FANCA: variants seen among roughly 807,000 people sequenced by gnomAD.
FANCA encodes the protein FA complementation group A.
A neutral mutation model predicts 194.3 loss-of-function variants in FANCA; 236 were observed. That is an observed-to-expected ratio of 1.21 (90% CI 1.09 to 1.35). The LOEUF (loss-of-function observed/expected upper bound fraction) is 1.35. FANCA is among the 40% of genes most tolerant of loss of function. The probability of loss-of-function intolerance (pLI) is 0.00; values close to 1 mark genes in which losing one functional copy is unlikely to be tolerated. For missense variants in FANCA, 2,628 were observed against 1,813.9 expected, an observed-to-expected ratio of 1.45 and a Z score of -8.15; for synonymous variants, 1,014 against 715.8, an observed-to-expected ratio of 1.42 and a Z score of -6.65.
chr16:89,764,665 C>T, intron 28 of FANCA: 4 of 625,112 alleles, frequency 6.4e-6, no homozygotes, highest in South Asian at 4.5e-5. Context: ...AGATTCCAAT[C>T]AAACCATCTA....
intron 10 of FANCA, chr16:89,798,346 T>C (rs903013876): frequency 9.7e-6 from 10 of 1,033,418 alleles, no homozygotes; most frequent in African/African-American, 3.4e-5. Context: ...CTGATGCACA[T>C]GTAAACATTC....
chr16:89,753,294 G>A (rs7203255), intron 30 of FANCA, among the ~76,000 whole-genome samples: 64,006 of 151,832 alleles, frequency 0.42, 14,805 homozygotes, highest in East Asian at 0.76. Flanking sequence ...AAGTAACAGC[G>A]CAGCCCGACA....
chr16:89,743,140 C>A lies in FANCA; in HGVS notation c.3627-202G>T, dbSNP rs2286393. Among the ~76,000 whole-genome samples the A allele has an allele frequency of 0.06, 9,072 of 152,250 alleles. 411 individuals carry two copies. The highest frequency in any genetic ancestry group is 0.22 in the East Asian group (1,116 of 5,168). Reference sequence around the variant, plus strand: ...TGGGCAGGTGCTGGTGCTGCCCCCACAGCATCCTGGCGTTCTGAGAGCTGC... The same window carrying A: ...TGGGCAGGTGCTGGTGCTGCCCCCAAAGCATCCTGGCGTTCTGAGAGCTGC... On this transcript the variant is annotated intron_variant, in intron 36 of 42. Transcript: ENST00000389301.
intron 6 of FANCA, among the ~76,000 whole-genome samples, chr16:89,807,183 T>A (rs1186970844): frequency 1.3e-5 from 2 of 151,038 alleles, no homozygotes; most frequent in African/African-American, 2.4e-5. Flanking sequence ...AGCAGGTTTT[T>A]CTTTTTTTTT....
chr16:89,775,482 G>C (rs1250839951), intron 21 of FANCA, among the ~76,000 whole-genome samples: 1 of 152,204 alleles, frequency 6.6e-6, no homozygotes. Flanking sequence ...GGAAGATGAC[G>C]AGTGACAAAG....
At position 89,771,730 on chromosome 16, in the gene FANCA, G is replaced by C; in HGVS notation, c.2099C>G (p.Ser700Ter). The change falls in exon 23 of 43, where the codon TCA (serine) becomes TGA (stop). Residue 700 changes from serine to a stop codon, truncating the protein, a stop_gained. Coordinates refer to ENST00000389301, the MANE Select transcript of FANCA (RefSeq NM_000135.4). LOFTEE classifies it high-confidence loss of function. The part of the protein sequence containing the change: ...HNEDDSSVEI[S>*]KIQLSINTPR... The stretch of plus-strand genomic sequence containing the variant: ...CGTGTTGATGCTGAGCTGAATCTTT[G>C]ATATCTCAACGCTGCTGTCATCCTC... 2.5e-6 allele frequency: 4 copies of C among 1,614,122 alleles called. No individual in the cohort carries two copies. The highest frequency in any genetic ancestry group is 3.4e-6 in the Non-Finnish European group (4 of 1,180,026).
chr16:89,777,310 A>G (rs2039542855), intron 20 of FANCA, among the ~76,000 whole-genome samples: 1 of 152,202 alleles, frequency 6.6e-6, no homozygotes, highest in Non-Finnish European at 1.5e-5. Context: ...GAAGCCCAGG[A>G]GGTCAAGGCT....
intron 8 of FANCA, among the ~76,000 whole-genome samples, chr16:89,802,191 C>T (rs2040480297): frequency 6.6e-6 from 1 of 152,068 alleles, no homozygotes; most frequent in African/African-American, 2.4e-5. Flanking sequence ...GCAACCTCCG[C>T]CTCCTGGGTT....
At chr16:89,801,474 G>A (rs1329958363) in intron 8 of FANCA, among the ~76,000 whole-genome samples, 3 of 152,056 alleles carry the variant, frequency 2.0e-5, no homozygotes. Context: ...ATGCTGGTGA[G>A]AATGCAAACA....
chr16:89,812,370 G>A (rs912438056), intron 3 of FANCA, among the ~76,000 whole-genome samples: 7 of 151,406 alleles, frequency 4.6e-5, no homozygotes, highest in African/African-American at 1.2e-4. Context: ...CTGGAGGCCA[G>A]GCTCAGTGGG....
intron 27 of FANCA, among the ~76,000 whole-genome samples, chr16:89,766,921 A>C (rs1440630481): frequency 6.6e-6 from 1 of 152,140 alleles, no homozygotes; most frequent in Non-Finnish European, 1.5e-5. Context: ...CAGAGAACAC[A>C]AGGAAAGGCA....
At chr16:89,770,746 T>C in intron 23 of FANCA, 112 bp from the exon 24 acceptor site, 1 of 930,920 alleles carries the variant, frequency 1.1e-6, no homozygotes, top group Non-Finnish European at 1.7e-6. Context: ...CAAAAAGACC[T>C]CCAAAACAGG....
chr16:89,798,829 C>T (rs1269363377), intron 10 of FANCA: 2 of 1,483,100 alleles, frequency 1.3e-6, no homozygotes, highest in African/African-American at 2.8e-5. Flanking sequence ...GCTCTAGAGC[C>T]TGAATCACAC....
At chr16:89,815,855 A>G (rs775015901) in intron 2 of FANCA, 22 bp downstream of exon 2, 23 of 1,573,364 alleles carry the variant, frequency 1.5e-5, no homozygotes, top group Non-Finnish European at 1.9e-5. Context: ...CTGCCCGCAG[A>G]CGGACACCAG....
At chr16:89,777,648 G>A (rs190395410) in intron 20 of FANCA, among the ~76,000 whole-genome samples, 1 of 152,034 alleles carries the variant, frequency 6.6e-6, no homozygotes, top group Non-Finnish European at 1.5e-5. Context: ...TGGAATATAG[G>A]ACTTATACTT....
At chr16:89,801,544 T>C (rs1014659661) in intron 8 of FANCA, among the ~76,000 whole-genome samples, 3 of 152,122 alleles carry the variant, frequency 2.0e-5, no homozygotes, top group Non-Finnish European at 2.9e-5. Flanking sequence ...GAAAATAGTA[T>C]GGAGATTTCT....
At chr16:89,784,311 C>T (rs1169074563) in intron 15 of FANCA, among the ~76,000 whole-genome samples, 3 of 143,888 alleles carry the variant, frequency 2.1e-5, no homozygotes, top group Non-Finnish European at 4.5e-5. Flanking sequence ...GTCTAGGCTA[C>T]AGTGAGCTAT....
At chr16:89,751,992 G>T in intron 31 of FANCA, 146 bp downstream of exon 31, 2 of 771,400 alleles carry the variant, frequency 2.6e-6, no homozygotes, top group South Asian at 1.4e-5. Flanking sequence ...GCATGGTCTC[G>T]ATCTCCTGAC....
chr16:89,746,567 C>T lies in FANCA; in HGVS notation c.3513+17G>A. 1 of 1,609,808 alleles carries T rather than the reference C, an allele frequency of 6.2e-7. No homozygotes were observed. The highest frequency in any genetic ancestry group is 8.5e-7 in the Non-Finnish European group (1 of 1,176,164). On this transcript the variant is annotated intron_variant, in intron 35 of 42. Transcript: ENST00000389301. ...CTCATCCCCAAAACAAAACACCAAA[C>T]AAGACAGCTGACCCACCAGAGCAGA...
Sources: gnomAD v4.1 joint callset for allele counts (sites outside exome capture counted in the v4.1 genomes callset) on GRCh38, gnomAD v4.1.1 for gene constraint, MANE v1.5 for transcripts, NCBI Gene and HGNC (gene_info 2026-07-23, HGNC 2026-07-21) for gene names.